CPS1: variants seen among roughly 807,000 people sequenced by gnomAD.
The protein encoded by CPS1 is carbamoyl-phosphate synthase 1.
A neutral mutation model predicts 174.6 loss-of-function variants in CPS1; 109 were observed. The observed-to-expected ratio is 0.62, with a 90% CI of 0.53 to 0.73. The LOEUF is 0.73. Ranked by LOEUF, CPS1 falls within the 30% of genes least tolerant of loss-of-function variation. The probability of loss-of-function intolerance (pLI) is 0.00; values close to 1 mark genes in which losing one functional copy is unlikely to be tolerated. For missense variants in CPS1, 1,689 were observed against 1,821.9 expected (o/e 0.93, Z 1.33); for synonymous variants, 637 against 632.0 (o/e 1.01, Z -0.12).
chr2:210,660,741 T>A, intron 32 of CPS1, 86 bp downstream of exon 32: 1 of 1,290,096 alleles, frequency 7.8e-7, no homozygotes, highest in Non-Finnish European at 1.1e-6. Flanking sequence ...TTGTTACTTT[T>A]AAAACCTTCT....
chr2:210,525,679 C>CT (rs5838208), intron 1 of CPS1, among the ~76,000 whole-genome samples: 68,687 of 151,104 alleles, frequency 0.45, 16,122 homozygotes, highest in Middle Eastern at 0.57. Context: ...GCTCTTGAGT[C>CT]GTTTGGAGAT....
intron 25 of CPS1, among the ~76,000 whole-genome samples, chr2:210,643,039 A>G (rs1700276958): frequency 6.6e-6 from 1 of 152,248 alleles, no homozygotes; most frequent in Non-Finnish European, 1.5e-5. Flanking sequence ...TACAATAAAC[A>G]GCCTCTTTCT....
At chr2:210,554,169 A>ATG (rs1180523180), upstream of CPS1, among the ~76,000 whole-genome samples, 3 of 133,238 alleles carry the variant, frequency 2.3e-5, no homozygotes, top group Admixed American at 8.0e-5. Context: ...ACATATACAT[A>ATG]TGTATGTATA....
intron 19 of CPS1, 147 bp from the exon 20 acceptor site, chr2:210,611,970 C>CT: frequency 1.7e-6 from 1 of 595,004 alleles, no homozygotes; most frequent in Non-Finnish European, 2.7e-6. Flanking sequence ...AAAAGGAACA[C>CT]CTTTTTTTTT....
upstream of CPS1, among the ~76,000 whole-genome samples, chr2:210,554,186 C>T (rs6745045): frequency 4.0e-5 from 5 of 124,518 alleles, no homozygotes; most frequent in African/African-American, 9.9e-5. Flanking sequence ...TATATATACA[C>T]ACACACATAT....
intron 1 of CPS1, among the ~76,000 whole-genome samples, chr2:210,534,285 G>A (rs552956324): frequency 6.6e-6 from 1 of 152,290 alleles, no homozygotes; most frequent in East Asian, 1.9e-4. Flanking sequence ...CCCTTCTGGT[G>A]TATCTTCACT....
At chr2:210,574,996 A>C (rs934096524) in intron 2 of CPS1, among the ~76,000 whole-genome samples, 4 of 151,994 alleles carry the variant, frequency 2.6e-5, no homozygotes, top group Non-Finnish European at 5.9e-5. Context: ...TTGATAATTA[A>C]AGGGGTTATT....
chr2:210,482,337 C>T (rs1020492863), intron 1 of CPS1, among the ~76,000 whole-genome samples: 25 of 150,796 alleles, frequency 1.7e-4, no homozygotes, highest in African/African-American at 7.3e-5. Flanking sequence ...GATGGAGTCT[C>T]GCTCTGTCTC....
intron 1 of CPS1, among the ~76,000 whole-genome samples, chr2:210,494,016 C>T (rs1694928971): frequency 6.6e-6 from 1 of 152,144 alleles, no homozygotes; most frequent in Non-Finnish European, 1.5e-5. Flanking sequence ...TTACAAGCAC[C>T]TTGAAAACCA....
At position 210,591,844 on chromosome 2, in the gene CPS1, C is replaced by T; in HGVS notation, c.961C>T (p.Pro321Ser). The T allele has an allele frequency of 1.9e-6, 3 of 1,612,364 alleles. No homozygotes were observed. The highest frequency in any genetic ancestry group is 1.1e-5 in the South Asian group (1 of 91,044). ...MSMANRGQNQ[P>S]VLNITNKQAF... ...TTTTCTCTCCAGAGGGCAGAATCAG[C>T]CTGTTTTGAATATCACAAACAAACA... The change falls in exon 10 of 38, where the codon CCT becomes TCT. Residue 321 changes from proline (P) to serine (S), a missense_variant. Physicochemically the swap from Pro to Ser is moderately conservative, Grantham distance 74 (BLOSUM62 -1). Coordinates refer to ENST00000233072, the MANE Select transcript of CPS1 (RefSeq NM_001875.5).
At chr2:210,551,978 G>A (rs1313404389), upstream of CPS1, among the ~76,000 whole-genome samples, 1 of 151,934 alleles carries the variant, frequency 6.6e-6, no homozygotes, top group African/African-American at 2.4e-5. Context: ...GAGAAAATGT[G>A]TGCCTTTTAC....
At chr2:210,512,484 T>C (rs902470933) in intron 1 of CPS1, among the ~76,000 whole-genome samples, 1 of 151,740 alleles carries the variant, frequency 6.6e-6, no homozygotes, top group African/African-American at 2.4e-5. Flanking sequence ...CATTAATTCA[T>C]TTAGGATAAT....
At chr2:210,572,741 A>T (rs1385757648) in intron 1 of CPS1, among the ~76,000 whole-genome samples, 1 of 152,048 alleles carries the variant, frequency 6.6e-6, no homozygotes, top group Non-Finnish European at 1.5e-5. Flanking sequence ...AGAGAGTGAT[A>T]AAGTTTCAGT....
chr2:210,533,816 C>T (rs376150262), intron 1 of CPS1, among the ~76,000 whole-genome samples: 33 of 152,232 alleles, frequency 2.2e-4, no homozygotes, highest in Non-Finnish European at 3.7e-4. Context: ...CAGACAGTGG[C>T]CTACCAGGGG....
At position 210,675,828 on chromosome 2, in the gene CPS1, C is replaced by G; in HGVS notation, c.4262C>G (p.Ser1421Cys). ...CAAGAAGGACAGAATCCCAGCCTCTCTTCCATCAGAAAGTAAGAACTAGGC... is the reference window on the plus strand; with the variant it reads ...CAAGAAGGACAGAATCCCAGCCTCTGTTCCATCAGAAAGTAAGAACTAGGC... ...PSQEGQNPSL[S>C]SIRKLIRDGS... Residue 1421 changes from serine (S) to cysteine (C), a missense_variant, in exon 36 of 38, where the codon TCT becomes TGT. Transcript: ENST00000233072. The G allele has an allele frequency of 6.6e-7, 1 of 1,513,232 alleles. No homozygotes were observed. The highest frequency in any genetic ancestry group is 1.7e-5 in the Admixed American group (1 of 59,886). The allele number at this position is 1,513,232 out of a possible 1,614,324, so 93.7% of individuals were successfully genotyped here.
intron 16 of CPS1, among the ~76,000 whole-genome samples, chr2:210,602,592 C>T (rs1698766600): frequency 6.6e-6 from 1 of 151,958 alleles, no homozygotes; most frequent in Admixed American, 6.6e-5. Flanking sequence ...ATAGTACAAT[C>T]TATTGACTTC....
At chr2:210,485,105 C>T (rs1370823010) in intron 1 of CPS1, among the ~76,000 whole-genome samples, 1 of 151,906 alleles carries the variant, frequency 6.6e-6, no homozygotes, top group Non-Finnish European at 1.5e-5. Flanking sequence ...GTGGCAGGCA[C>T]CTGTAGTCCC....
rs752748799 is a variant in CPS1, at chr2:210,590,192, G to A, written c.798G>A (p.Gly266=). Residue 266 remains glycine, a synonymous_variant, in exon 8 of 38, where the codon GGG becomes GGA. Transcript: ENST00000233072. ...YDGILIAGGP[G]NPALAEPLIQ... is the part of the protein sequence containing the mutation. ...GGATTTTGATCGCGGGAGGACCGGG[G>A]AACCCAGCTCTTGCAGAACCACTAA... is the stretch of plus-strand genomic sequence containing the variant. 2 of 1,612,826 alleles carry A rather than the reference G, an allele frequency of 1.2e-6. No individual in the cohort carries two copies. Among genetic ancestry groups the A allele is most frequent in the Admixed American group, 1.7e-5 (1 of 59,930 alleles).
rs1167489084 is a variant in CPS1 at position 210,656,582 on chromosome 2, G to A, written c.3616G>A (p.Ala1206Thr). ...VEDAGVHSGD[A>T]TLMLPTQTIS... ...AGATGCAGGTGTCCACTCGGGAGAT[G>A]CCACTCTGATGCTGCCCACACAAAC... The change falls in exon 30 of 38, where the codon GCC (alanine) becomes ACC (threonine). Residue 1206 changes from alanine to threonine, a missense_variant. By Grantham distance (58) the Ala-to-Thr change is moderately conservative. Transcript: ENST00000233072. The A allele has an allele frequency of 6.2e-7, 1 of 1,610,938 alleles. No individual in the cohort carries two copies. The highest frequency in any genetic ancestry group is 8.5e-7 in the Non-Finnish European group (1 of 1,179,672).
Sources: gnomAD v4.1 joint callset for allele counts (sites outside exome capture counted in the v4.1 genomes callset) on GRCh38, gnomAD v4.1.1 for gene constraint, MANE v1.5 for transcripts, NCBI Gene and HGNC (gene_info 2026-07-23, HGNC 2026-07-21) for gene names.